Variants in SPATA13 observed in about 807,000 individuals in gnomAD.
SPATA13 encodes spermatogenesis-associated protein 13.
Under a neutral mutation model 104.0 loss-of-function variants are expected in SPATA13, and 50 were observed. The observed-to-expected ratio is 0.48, with a 90% CI of 0.38 to 0.61. The LOEUF (loss-of-function observed/expected upper bound fraction) is 0.61, where lower values mean the gene tolerates loss of function less well. Among genes scored for constraint, SPATA13 ranks in the 20% least tolerant of loss-of-function variants. The pLI is 0.00. For synonymous variants in SPATA13, 606 were observed against 667.5 expected (o/e 0.91, Z 1.42); for missense variants, 1,524 against 1,690.6 (o/e 0.90, Z 1.73).
At chr13:24,031,987 C>A (rs959205884) in intron 3 of SPATA13, among the ~76,000 whole-genome samples, 2 of 152,160 alleles carry the variant, frequency 1.3e-5, no homozygotes, top group African/African-American at 4.8e-5. Flanking sequence ...TTTTGCTTGG[C>A]CAAACTTTAG....
Position 24,032,553 on chromosome 13 carries a change from CACAGGGTAACTG to C in SPATA13, c.-112+14855_-112+14866del, listed in dbSNP as rs562584813. Among the ~76,000 whole-genome samples the C allele has an allele frequency of 4.6e-5, 7 of 152,288 alleles. No individual in the cohort carries two copies. The South Asian group carries it at 1.5e-3, about 32-fold the overall frequency. On this transcript the variant is annotated intron_variant, in intron 3 of 14. Transcript: ENST00000424834. ...ATGTTGGGTTTCCTTTATACTTGTTCACAGGGTAACTGACTGCAAGGAAAGGTTCCTTCCCTG... is the reference window on the plus strand; with the variant it reads ...ATGTTGGGTTTCCTTTATACTTGTTCACTGCAAGGAAAGGTTCCTTCCCTG...
chr13:24,082,025 A>C (rs1879537754), intron 3 of SPATA13, among the ~76,000 whole-genome samples: 1 of 152,204 alleles, frequency 6.6e-6, no homozygotes, highest in South Asian at 2.1e-4. Flanking sequence ...TGGCTGCACC[A>C]TTTGCACTCA....
chr13:24,096,393 C>T (rs969124736), intron 3 of SPATA13, among the ~76,000 whole-genome samples: 2 of 151,906 alleles, frequency 1.3e-5, no homozygotes, highest in South Asian at 2.1e-4. Flanking sequence ...GTCAGGGGTT[C>T]GAGACCAGCC....
At chr13:24,052,943 A>G (rs951107922) in intron 3 of SPATA13, among the ~76,000 whole-genome samples, 1 of 140,882 alleles carries the variant, frequency 7.1e-6, no homozygotes, top group African/African-American at 2.6e-5. Context: ...GGGACTGGGA[A>G]CCTTGGCTTT....
intron 3 of SPATA13, among the ~76,000 whole-genome samples, chr13:24,102,383 T>C (rs1880284245): frequency 6.6e-6 from 1 of 152,156 alleles, no homozygotes; most frequent in Non-Finnish European, 1.5e-5. Flanking sequence ...GGATATTAAC[T>C]CTTCATCAAA....
chr13:24,115,054 G>A (rs190438610), intron 3 of SPATA13, among the ~76,000 whole-genome samples: 1 of 152,312 alleles, frequency 6.6e-6, no homozygotes, highest in African/African-American at 2.4e-5. Flanking sequence ...AGGAGACAAG[G>A]TTTCTTGTTT....
chr13:24,017,305 G>C (rs1264687603), intron 2 of SPATA13, among the ~76,000 whole-genome samples: 1 of 152,216 alleles, frequency 6.6e-6, no homozygotes, highest in Non-Finnish European at 1.5e-5. Flanking sequence ...CGTGCAGCAA[G>C]TGAGTGGTGG....
In SPATA13 at chr13:24,294,849, T is replaced by G. The variant is rs1593511951; in HGVS notation, c.3191T>G (p.Val1064Gly). The G allele has an allele frequency of 6.2e-7, 1 of 1,609,708 alleles. No individual in the cohort carries two copies. Among genetic ancestry groups the G allele is most frequent in the South Asian group, 1.1e-5 (1 of 90,988 alleles). ...ATCGACAAGATAGCTCGCTGGCAGG[T>G]GTCTATCGTGGGCTGGGAGGTAAGT... ...ESIDKIARWQ[V>G]SIVGWEGLDI... is the part of the protein sequence containing the mutation. Residue 1064 changes from valine (V) to glycine (G), a missense_variant, in exon 10 of 13, where the codon GTG (valine) becomes GGG (glycine). Around this residue, in one of 2 missense-constraint regions of SPATA13, gnomAD observed 435 missense variants for 554.8 expected, o/e 0.78. Coordinates refer to ENST00000382108, the MANE Select transcript of SPATA13 (RefSeq NM_001166271.3).
intron 2 of SPATA13, among the ~76,000 whole-genome samples, chr13:23,990,689 C>T (rs1307860981): frequency 6.6e-6 from 1 of 152,212 alleles, no homozygotes; most frequent in Non-Finnish European, 1.5e-5. Context: ...AAAGGGTGCA[C>T]CCCACGAAGC....
intron 4 of SPATA13, among the ~76,000 whole-genome samples, chr13:24,279,557 G>A (rs1012723192): frequency 2.5e-4 from 38 of 152,168 alleles, no homozygotes; most frequent in Non-Finnish European, 1.3e-4. Context: ...ACCCAGGCTT[G>A]AGTGGTGGCA....
At chr13:24,078,849 T>C in intron 3 of SPATA13, among the ~76,000 whole-genome samples, 1 of 152,218 alleles carries the variant, frequency 6.6e-6, no homozygotes, top group Non-Finnish European at 1.5e-5. Context: ...AGTCAATGAC[T>C]AAATAGACAT....
chr13:24,123,675 T>C, intron 3 of SPATA13: 2 of 1,588,958 alleles, frequency 1.3e-6, no homozygotes, highest in Non-Finnish European at 1.7e-6. Context: ...CATGCATATA[T>C]ATTCGTAAGG....
Position 24,284,344 on chromosome 13 carries a change from T to C in SPATA13, c.2301+73T>C, listed in dbSNP as rs186418789. 6.1e-5 allele frequency: 91 copies of C among 1,487,290 alleles called. No homozygotes were observed. The East Asian group carries it at 2.0e-3, about 32-fold the overall frequency. 92.1% of individuals were successfully genotyped at this position (1,487,290 alleles called of 1,614,324 possible). On this transcript the variant is annotated intron_variant, in intron 5 of 12. Transcript: ENST00000382108. Reference sequence around the variant, plus strand: ...CAGGGTCCACAACCACTTCTGACTTTGTTCCCTAGTTCTTCTTTACTAAGC... The same window carrying C: ...CAGGGTCCACAACCACTTCTGACTTCGTTCCCTAGTTCTTCTTTACTAAGC...
chr13:24,302,815 A>C lies in SPATA13; in HGVS notation c.*42A>C. 1 of 1,612,804 alleles carries C rather than the reference A, an allele frequency of 6.2e-7. No homozygotes were observed. The highest frequency in any genetic ancestry group is 1.1e-5 in the South Asian group (1 of 91,074). Reference sequence around the variant, plus strand: ...TTCCATGGAGCTGGGTGTCAAGAGAAGAACTGTCTTTGTTTCTTGTGTGCT... The same window carrying C: ...TTCCATGGAGCTGGGTGTCAAGAGACGAACTGTCTTTGTTTCTTGTGTGCT... On this transcript the variant is annotated 3_prime_UTR_variant, in exon 13 of 13. Coordinates refer to ENST00000382108, the MANE Select transcript of SPATA13 (RefSeq NM_001166271.3).
chr13:24,116,913 C>G (rs905398029), intron 3 of SPATA13, among the ~76,000 whole-genome samples: 1 of 152,190 alleles, frequency 6.6e-6, no homozygotes, highest in Non-Finnish European at 1.5e-5. Flanking sequence ...TCCTCTCTCT[C>G]TGCAATGTGA....
intron 3 of SPATA13, among the ~76,000 whole-genome samples, chr13:24,144,728 G>A (rs1881876330): frequency 6.6e-6 from 1 of 152,064 alleles, no homozygotes; most frequent in African/African-American, 2.4e-5. Context: ...TGGCGTAGTT[G>A]GTGTTTTCTT....
chr13:24,175,260 GTTGTT>G (rs1883168721), intron 1 of SPATA13, among the ~76,000 whole-genome samples: 2 of 152,098 alleles, frequency 1.3e-5, no homozygotes, highest in South Asian at 2.1e-4. Context: ...TGTTGTTGTT[GTTGTT>G]TTGTTTTGTT....
chr13:24,222,365 C>G (rs917265478), intron 1 of SPATA13, among the ~76,000 whole-genome samples: 1 of 152,160 alleles, frequency 6.6e-6, no homozygotes, highest in African/African-American at 2.4e-5. Context: ...CCTGCGTGTG[C>G]CAGCACTTGG....
At chr13:24,048,910 A>G (rs1337899782) in intron 3 of SPATA13, among the ~76,000 whole-genome samples, 1 of 152,196 alleles carries the variant, frequency 6.6e-6, no homozygotes, top group African/African-American at 2.4e-5. Flanking sequence ...GAAAATTAAA[A>G]CTACAAGTTA....
Sources: allele counts gnomAD v4.1 joint callset (sites outside exome capture counted in the v4.1 genomes callset), GRCh38; gene constraint gnomAD v4.1.1; regional missense constraint gnomAD v4.1.1; transcripts MANE v1.5; gene names NCBI Gene and HGNC (gene_info 2026-07-23, HGNC 2026-07-21).